LRBA: variants seen among roughly 807,000 people sequenced by gnomAD.
The protein encoded by LRBA is LPS responsive beige-like anchor protein, also known as lipopolysaccharide-responsive and beige-like anchor protein.
LRBA carries 176 observed loss-of-function variants against 330.0 expected under a neutral mutation model. That is an observed-to-expected ratio of 0.53 (90% CI 0.47 to 0.60). The LOEUF is 0.60. LRBA is among the 20% of genes least tolerant of loss of function. LRBA has a pLI of 0.00. For synonymous variants in LRBA, 1,230 were observed against 1,193.0 expected, an observed-to-expected ratio of 1.03 and a Z score of -0.64; for missense variants, 3,259 against 3,444.8, an observed-to-expected ratio of 0.95 and a Z score of 1.35.
intron 36 of LRBA, among the ~76,000 whole-genome samples, chr4:150,734,135 T>C (rs1470926495): frequency 6.6e-6 from 1 of 152,154 alleles, no homozygotes; most frequent in South Asian, 2.1e-4. Flanking sequence ...TTTTCTTATA[T>C]AAATCTTTTT....
At chr4:150,529,626 G>T (rs1378797564) in intron 40 of LRBA, among the ~76,000 whole-genome samples, 1 of 151,734 alleles carries the variant, frequency 6.6e-6, no homozygotes, top group Non-Finnish European at 1.5e-5. Flanking sequence ...TGAGGCAGGA[G>T]AATTGCTTGA....
intron 50 of LRBA, among the ~76,000 whole-genome samples, chr4:150,318,180 C>G (rs1415096135): frequency 6.6e-6 from 1 of 152,018 alleles, no homozygotes; most frequent in African/African-American, 2.4e-5. Context: ...AAAGTTGGGA[C>G]CTGGATTCAG....
intron 42 of LRBA, among the ~76,000 whole-genome samples, chr4:150,483,622 C>A (rs1238000552): frequency 6.6e-6 from 1 of 151,768 alleles, no homozygotes; most frequent in Admixed American, 6.6e-5. Context: ...GTGTGAGCCA[C>A]CATGCCTGGC....
intron 47 of LRBA, among the ~76,000 whole-genome samples, chr4:150,374,281 C>G (rs756213922): frequency 2.2e-4 from 34 of 152,188 alleles, no homozygotes; most frequent in Admixed American, 2.0e-4. Context: ...AGACACATTT[C>G]CTTGTCTCCC....
chr4:150,978,077 G>T lies in LRBA; in HGVS notation c.216+36350C>A, dbSNP rs1350250115. 2.0e-5 allele frequency among the ~76,000 whole-genome samples: 3 copies of T among 152,332 alleles called. No individual in the cohort carries two copies. The East Asian group carries it at 5.8e-4, about 29-fold the overall frequency. On this transcript the variant is annotated intron_variant, in intron 2 of 56. Transcript: ENST00000651943. ...CAGGTAGTGGTTATAGCAGGCCTTG[G>T]GTGAGACCCAGTGCTGTGCTGGCTT...
rs548164507 is a variant in LRBA, at chr4:150,528,374, G to A, written c.6331-37339C>T. ...AAATTAGCCAGGCGTGGTGGTGGGC[G>A]CCTGTAGTCTTAGCTACTCGGGATG... On this transcript the variant is annotated intron_variant, in intron 40 of 56. Transcript: ENST00000651943. 7.9e-5 allele frequency among the ~76,000 whole-genome samples: 12 copies of A among 151,978 alleles called. No individual in the cohort carries two copies. In the South Asian group the frequency reaches 2.5e-3, roughly 32 times the overall value.
chr4:150,803,442 T>C (rs140458192), intron 33 of LRBA, among the ~76,000 whole-genome samples: 1 of 152,104 alleles, frequency 6.6e-6, no homozygotes, highest in South Asian at 2.1e-4. Flanking sequence ...ACTACTTTTG[T>C]GAAAATTTGA....
intron 52 of LRBA, among the ~76,000 whole-genome samples, chr4:150,306,090 A>C (rs1348469359): frequency 3.3e-5 from 5 of 152,210 alleles, no homozygotes; most frequent in African/African-American, 1.2e-4. Flanking sequence ...CAAATAAAAA[A>C]ATTCAAGCTC....
chr4:150,911,415 G>A (rs1454890928), intron 9 of LRBA, among the ~76,000 whole-genome samples: 3 of 151,934 alleles, frequency 2.0e-5, no homozygotes, highest in Non-Finnish European at 4.4e-5. Context: ...AAAGAGTGTT[G>A]AATTTTGTCA....
intron 44 of LRBA, among the ~76,000 whole-genome samples, chr4:150,455,750 T>A (rs930549988): frequency 2.0e-5 from 3 of 152,072 alleles, no homozygotes; most frequent in Non-Finnish European, 4.4e-5. Context: ...AAATATTAGG[T>A]CTTATTCTAT....
intron 47 of LRBA, among the ~76,000 whole-genome samples, chr4:150,366,235 G>C (rs1446683761): frequency 6.6e-6 from 1 of 151,934 alleles, no homozygotes; most frequent in Non-Finnish European, 1.5e-5. Flanking sequence ...AGACATATTA[G>C]AATACTATAA....
rs187028495 is a variant in LRBA at position 150,271,523 on chromosome 4, G to A, written c.8469-5711C>T. Among the ~76,000 whole-genome samples, 744 of 115,150 alleles carry A rather than the reference G, an allele frequency of 6.5e-3. 37 individuals are homozygous for A. Among genetic ancestry groups the A allele is most frequent in the Non-Finnish European group, 1.0e-2 (568 of 56,998 alleles). The allele number at this position is 115,150 out of a possible 152,430, so 75.5% of individuals were successfully genotyped here. A position where few individuals can be genotyped will look rare whatever the true frequency, so the allele number is the denominator to read the frequency against. ...AAGTTGACCTGGGACACTCAAGCTT[G>A]GTGGGGGGAGGAGCAGCCAGGGAGC... On this transcript the variant is annotated intron_variant, in intron 56 of 56. Coordinates refer to ENST00000651943, the MANE Select transcript of LRBA (RefSeq NM_001364905.1).
intron 9 of LRBA, among the ~76,000 whole-genome samples, chr4:150,911,331 A>C (rs565848946): frequency 3.3e-5 from 5 of 152,212 alleles, no homozygotes; most frequent in African/African-American, 1.2e-4. Context: ...TTTCATATAC[A>C]ATATTTTATT....
intron 40 of LRBA, among the ~76,000 whole-genome samples, chr4:150,514,858 A>G (rs1762177071): frequency 6.6e-6 from 1 of 152,088 alleles, no homozygotes; most frequent in South Asian, 2.1e-4. Context: ...AGCTTATTTG[A>G]TCTGTGAGCC....
chr4:150,662,330 G>C (rs1781194204), intron 37 of LRBA, among the ~76,000 whole-genome samples: 1 of 152,194 alleles, frequency 6.6e-6, no homozygotes, highest in Non-Finnish European at 1.5e-5. Flanking sequence ...AAAAATGTCA[G>C]TACGAGAAGG....
rs778050008 is a variant in LRBA, at chr4:150,870,586, A to T, written c.2388T>A (p.Gly796=). Residue 796 remains glycine, a synonymous_variant, in exon 20 of 57, where the codon GGT becomes GGA. Transcript: ENST00000651943. The part of the protein sequence containing the change: ...VLFEILIEQI[G]TQVIHKQHPD... Reference sequence around the variant, plus strand: ...GATGCTGTTTATGTATCACCTGAGTACCAATCTGTTCTATAAGAATCTACA... The same window carrying T: ...GATGCTGTTTATGTATCACCTGAGTTCCAATCTGTTCTATAAGAATCTACA... 1 of 1,571,308 alleles carries T rather than the reference A, an allele frequency of 6.4e-7. No individual in the cohort carries two copies.
intron 37 of LRBA, among the ~76,000 whole-genome samples, chr4:150,616,895 G>A (rs563322147): frequency 6.6e-6 from 1 of 152,050 alleles, no homozygotes; most frequent in Non-Finnish European, 1.5e-5. Flanking sequence ...CTGACACATC[G>A]TAAGAATACA....
intron 37 of LRBA, among the ~76,000 whole-genome samples, chr4:150,607,141 T>C (rs531522212): frequency 6.6e-6 from 1 of 152,158 alleles, no homozygotes; most frequent in Non-Finnish European, 1.5e-5. Context: ...GTAAAAAACA[T>C]AGGTTTAGAA....
intron 40 of LRBA, among the ~76,000 whole-genome samples, chr4:150,496,299 T>C (rs982902253): frequency 6.6e-6 from 1 of 152,072 alleles, no homozygotes; most frequent in African/African-American, 2.4e-5. Context: ...AGTCCATTTG[T>C]AAAAGCTTAT....
Sources: gnomAD v4.1 joint callset for allele counts (sites outside exome capture counted in the v4.1 genomes callset) on GRCh38, gnomAD v4.1.1 for gene constraint, MANE v1.5 for transcripts, NCBI Gene and HGNC (gene_info 2026-07-23, HGNC 2026-07-21) for gene names.